SCAF4: variants seen among roughly 807,000 people sequenced by gnomAD.
The protein encoded by SCAF4 is SR-related CTD associated factor 4.
Under a neutral mutation model 129.8 loss-of-function variants are expected in SCAF4, and 25 were observed. That is an observed-to-expected ratio of 0.19 (90% confidence interval 0.14 to 0.27). The LOEUF (loss-of-function observed/expected upper bound fraction) is 0.27. Ranked by LOEUF, SCAF4 falls within the 10% of genes least tolerant of loss-of-function variation. The probability of loss-of-function intolerance (pLI) is 1.00; values close to 1 mark genes in which losing one functional copy is unlikely to be tolerated. For missense variants in SCAF4, 1,246 were observed against 1,457.1 expected, an observed-to-expected ratio of 0.86 and a Z score of 2.36; for synonymous variants, 551 against 497.7, an observed-to-expected ratio of 1.11 and a Z score of -1.43.
At chr21:31,688,580 T>A in intron 15 of SCAF4, 116 bp from the exon 16 acceptor site, 1 of 806,294 alleles carries the variant, frequency 1.2e-6, no homozygotes. Flanking sequence ...GAAATTCCCA[T>A]GCTAATTTTA....
chr21:31,673,349 G>A (rs2049761155), intron 19 of SCAF4, among the ~76,000 whole-genome samples: 1 of 151,004 alleles, frequency 6.6e-6, no homozygotes, highest in Non-Finnish European at 1.5e-5. Flanking sequence ...AATGTTCCAG[G>A]TACTGTTAAG....
chr21:31,680,385 T>C lies in SCAF4; in HGVS notation c.2488+4664A>G, dbSNP rs150878258. 5.8e-4 allele frequency among the ~76,000 whole-genome samples: 89 copies of C among 152,364 alleles called. 1 individual carries two copies. Among genetic ancestry groups the C allele is most frequent in the African/African-American group, 2.1e-3 (88 of 41,586 alleles). On this transcript the variant is annotated intron_variant, in intron 19 of 19. Transcript: ENST00000286835. The stretch of plus-strand genomic sequence containing the variant: ...CCACTGTATCCAATGAACAAGGTTA[T>C]ATACTAAGTTGAAGGTACTGTAATT...
Position 31,692,584 on chromosome 21 carries a change from A to G in SCAF4, c.1514-135T>C, listed in dbSNP as rs113745239. ...CACAAGTTTAAATAGTAAATCTCAC[A>G]TACATTTTAAAAATTCTAGAAAACT... is the stretch of plus-strand genomic sequence containing the variant. On this transcript the variant is annotated intron_variant, in intron 12 of 19. Coordinates refer to ENST00000286835, the MANE Select transcript of SCAF4 (RefSeq NM_020706.2). 1.1e-5 allele frequency: 6 copies of G among 556,108 alleles called. No individual in the cohort carries two copies. The African/African-American group carries it at 1.1e-4, about 10-fold the overall frequency. The allele number at this position is 556,108 out of a possible 1,614,324, so 34.4% of individuals were successfully genotyped here. A position where few individuals can be genotyped will look rare whatever the true frequency, so the allele number is the denominator to read the frequency against.
In SCAF4 at chr21:31,688,407, T is replaced by A; in HGVS notation, c.1943A>T (p.Glu648Val). 1 of 1,614,016 alleles carries A rather than the reference T, an allele frequency of 6.2e-7. No homozygotes were observed. Among genetic ancestry groups the A allele is most frequent in the African/African-American group, 1.3e-5 (1 of 75,014 alleles). Reference protein sequence around the residue: ...ENEVAQNGGAETSHTEPVSPI... With the variant: ...ENEVAQNGGAVTSHTEPVSPI... Reference sequence around the variant, plus strand: ...TGATACTGGTTCTGTGTGTGAGGTTTCAGCACCTCCATTTTGAGCAACTTC... The same window carrying A: ...TGATACTGGTTCTGTGTGTGAGGTTACAGCACCTCCATTTTGAGCAACTTC... Residue 648 changes from glutamate to valine, a missense_variant, in exon 16 of 20, where the codon GAA (glutamate) becomes GTA (valine). Glu to Val is a moderately radical substitution (Grantham distance 121). Coordinates refer to ENST00000286835, the MANE Select transcript of SCAF4 (RefSeq NM_020706.2).
intron 16 of SCAF4, 103 bp downstream of exon 16, chr21:31,688,200 ATATG>A: frequency 1.1e-6 from 1 of 922,944 alleles, no homozygotes; most frequent in South Asian, 2.4e-5. Context: ...ATATGCACAT[ATATG>A]TACTCATGTT....
At chr21:31,702,409 A>G in intron 4 of SCAF4, 30 bp from the exon 5 acceptor site, 1 of 1,593,830 alleles carries the variant, frequency 6.3e-7, no homozygotes, top group Non-Finnish European at 8.6e-7. Context: ...CAAATATACA[A>G]TAAATATTTG....
chr21:31,711,898 A>T lies in SCAF4; in HGVS notation c.31-5541T>A, dbSNP rs2050807907. ...AAGTTAGAGGCGATATAAATTACTA[A>T]AATAGGGTCAATTTTTTGATGCTTT... On this transcript the variant is annotated intron_variant, in intron 1 of 19. Transcript: ENST00000286835. Among the ~76,000 whole-genome samples, 6 of 152,176 alleles carry T rather than the reference A, an allele frequency of 3.9e-5. No individual in the cohort carries two copies. In the South Asian group the frequency reaches 1.2e-3, roughly 31 times the overall value.
chr21:31,697,988 C>T (rs2050428944), intron 7 of SCAF4, among the ~76,000 whole-genome samples: 2 of 152,166 alleles, frequency 1.3e-5, no homozygotes, highest in East Asian at 3.8e-4. Flanking sequence ...CTTTATTTTA[C>T]ACTACTGAAC....
chr21:31,682,208 GTC>G lies in SCAF4; in HGVS notation c.2488+2839_2488+2840del, dbSNP rs552935997. ...ATCCTGGCCAACATGGTGAAACCCT[GTC>G]TCTACTAAAAATAGAAAAATCAGCT... is the stretch of plus-strand genomic sequence containing the variant. On this transcript the variant is annotated intron_variant, in intron 19 of 19. Coordinates refer to ENST00000286835, the MANE Select transcript of SCAF4 (RefSeq NM_020706.2). 2.0e-5 allele frequency among the ~76,000 whole-genome samples: 3 copies of G among 152,180 alleles called. No homozygotes were observed. The South Asian group carries it at 6.2e-4, about 32-fold the overall frequency.
chr21:31,702,919 C>A (rs1257807159), intron 4 of SCAF4, among the ~76,000 whole-genome samples: 1 of 152,122 alleles, frequency 6.6e-6, no homozygotes, highest in African/African-American at 2.4e-5. Context: ...AAAAACAGCA[C>A]CTATGACACT....
At chr21:31,723,596 G>C (rs1437023741) in intron 1 of SCAF4, among the ~76,000 whole-genome samples, 1 of 146,344 alleles carries the variant, frequency 6.8e-6, no homozygotes, top group Non-Finnish European at 1.5e-5. Flanking sequence ...TAAAAGTCTG[G>C]TATGATTTAT....
chr21:31,706,811 C>T (rs562237651), intron 1 of SCAF4: 125 of 232,554 alleles, frequency 5.4e-4, no homozygotes, highest in South Asian at 1.7e-3. Flanking sequence ...AACGGAGAAA[C>T]TAAAACCAAT....
intron 1 of SCAF4, among the ~76,000 whole-genome samples, chr21:31,714,872 T>C (rs1462103992): frequency 3.9e-5 from 6 of 152,176 alleles, no homozygotes; most frequent in Non-Finnish European, 7.3e-5. Flanking sequence ...AGCAAAACAA[T>C]GTGAAGATAA....
chr21:31,700,946 C>CA, intron 7 of SCAF4, 49 bp downstream of exon 7: 1 of 1,571,472 alleles, frequency 6.4e-7, no homozygotes, highest in Non-Finnish European at 8.8e-7. Context: ...TTCCATAACT[C>CA]AAGTTGAGTG....
Position 31,671,466 on chromosome 21 carries a change from G to C in SCAF4, c.3377C>G (p.Pro1126Arg), listed in dbSNP as rs559258262. 1.8e-5 allele frequency: 29 copies of C among 1,614,174 alleles called. 2 individuals carry two copies. The African/African-American group carries it at 3.3e-4, about 19-fold the overall frequency. ...AAVLKPSEEL[P>R]AEATSSVEPE... is the part of the protein sequence containing the mutation. Reference sequence around the variant, plus strand: ...TTCAACGGATGAGGTAGCCTCAGCAGGTAACTCTTCAGAAGGCTTTAGGAC... The same window carrying C: ...TTCAACGGATGAGGTAGCCTCAGCACGTAACTCTTCAGAAGGCTTTAGGAC... The change falls in exon 20 of 20, where the codon CCT (proline) becomes CGT (arginine). Residue 1126 changes from proline to arginine, a missense_variant. This residue lies in a region of SCAF4 where 339 missense variants were observed against 325.0 expected (regional missense o/e 1.04). Transcript: ENST00000286835.
chr21:31,689,869 A>C (rs935033540), intron 15 of SCAF4, among the ~76,000 whole-genome samples: 20 of 151,830 alleles, frequency 1.3e-4, no homozygotes, highest in African/African-American at 4.8e-4. Context: ...CGGGAGGCAC[A>C]GGTTGCAGTG....
intron 8 of SCAF4, among the ~76,000 whole-genome samples, 164 bp downstream of exon 8, chr21:31,696,405 T>C (rs1023252320): frequency 6.6e-6 from 1 of 152,200 alleles, no homozygotes; most frequent in African/African-American, 2.4e-5. Context: ...TTTTTTGGTT[T>C]TAAATCTTAA....
chr21:31,691,027 C>A, intron 14 of SCAF4, 74 bp from the exon 15 acceptor site: 1 of 1,265,676 alleles, frequency 7.9e-7, no homozygotes, highest in South Asian at 1.6e-5. Context: ...TATTCTCTAT[C>A]ATTCTATCCA....
chr21:31,675,478 G>A (rs2049829867), intron 19 of SCAF4, among the ~76,000 whole-genome samples: 1 of 152,164 alleles, frequency 6.6e-6, no homozygotes, highest in Non-Finnish European at 1.5e-5. Flanking sequence ...AAGACATTTA[G>A]TGGACAGGAA....
Sources: gnomAD v4.1 joint callset for allele counts (sites outside exome capture counted in the v4.1 genomes callset) on GRCh38, gnomAD v4.1.1 for gene constraint, gnomAD v4.1.1 regional missense constraint, MANE v1.5 for transcripts, NCBI Gene and HGNC (gene_info 2026-07-23, HGNC 2026-07-21) for gene names.